Variants in GMDS observed in about 807,000 individuals in gnomAD.
The protein encoded by GMDS is GDP-mannose 4,6-dehydratase.
In GMDS, 20 loss-of-function variants were observed where a neutral mutation model predicts 49.9. That is an observed-to-expected ratio of 0.40 (90% confidence interval 0.28 to 0.58). The LOEUF is 0.58. GMDS is among the 20% of genes least tolerant of loss of function. The pLI, the probability that GMDS is intolerant of heterozygous loss-of-function variation, is 0.42. For missense variants in GMDS, 362 were observed against 481.4 expected (o/e 0.75, Z 2.32); for synonymous variants, 177 against 178.6 (o/e 0.99, Z 0.07).
chr6:1,905,960 C>T (rs1760754928), intron 7 of GMDS, among the ~76,000 whole-genome samples: 2 of 152,060 alleles, frequency 1.3e-5, no homozygotes, highest in African/African-American at 4.8e-5. Flanking sequence ...TGAGTCCAAG[C>T]CATCTGACAT....
intron 4 of GMDS, among the ~76,000 whole-genome samples, chr6:1,967,306 C>T (rs1335734795): frequency 2.6e-5 from 4 of 152,190 alleles, no homozygotes; most frequent in Non-Finnish European, 5.9e-5. Context: ...TCCGCAGTGT[C>T]TCCCATGCCG....
chr6:2,151,355 C>T (rs1436382723), intron 1 of GMDS, among the ~76,000 whole-genome samples: 1 of 151,926 alleles, frequency 6.6e-6, no homozygotes, highest in African/African-American at 2.4e-5. Flanking sequence ...ATTTTATTTT[C>T]ATTGAAGATC....
chr6:1,866,098 G>T (rs997656156), intron 7 of GMDS, among the ~76,000 whole-genome samples: 7 of 152,308 alleles, frequency 4.6e-5, no homozygotes, highest in African/African-American at 7.2e-5. Flanking sequence ...TCCACCTCAA[G>T]CACAGGGAGG....
chr6:1,952,852 C>T (rs1028265888), intron 6 of GMDS, among the ~76,000 whole-genome samples: 11 of 152,120 alleles, frequency 7.2e-5, no homozygotes, highest in East Asian at 1.9e-4. Flanking sequence ...GGAAGAAATA[C>T]GCTGTCAACA....
At chr6:2,054,066 A>G (rs1242217383) in intron 4 of GMDS, among the ~76,000 whole-genome samples, 1 of 152,160 alleles carries the variant, frequency 6.6e-6, no homozygotes, top group East Asian at 1.9e-4. Context: ...TAAAGTTACA[A>G]AAGAATACAT....
intron 1 of GMDS, among the ~76,000 whole-genome samples, chr6:2,143,320 T>C (rs1776396637): frequency 6.6e-6 from 1 of 152,146 alleles, no homozygotes; most frequent in South Asian, 2.1e-4. Context: ...TGAGGGGCAC[T>C]ACTGACCCTT....
chr6:1,790,011 A>T (rs1255694116), intron 7 of GMDS, among the ~76,000 whole-genome samples: 1 of 152,194 alleles, frequency 6.6e-6, no homozygotes, highest in Non-Finnish European at 1.5e-5. Flanking sequence ...GTATTCATAA[A>T]GATACATTTT....
intron 7 of GMDS, among the ~76,000 whole-genome samples, chr6:1,899,801 A>C (rs9405523): frequency 6.8e-6 from 1 of 146,288 alleles, no homozygotes; most frequent in Non-Finnish European, 1.5e-5. Context: ...GGAGACCTGC[A>C]ACAGGGCACC....
At chr6:1,895,775 T>C (rs146550265) in intron 7 of GMDS, among the ~76,000 whole-genome samples, 45 of 152,316 alleles carry the variant, frequency 3.0e-4, no homozygotes, top group Admixed American at 9.8e-4. Context: ...GTTCTCAGTT[T>C]ACTCACCACT....
At chr6:1,923,602 A>G (rs1405252034) in intron 7 of GMDS, among the ~76,000 whole-genome samples, 1 of 152,186 alleles carries the variant, frequency 6.6e-6, no homozygotes, top group Non-Finnish European at 1.5e-5. Flanking sequence ...CTGCCAGCGC[A>G]CAGAGCAGCA....
Position 1,836,025 on chromosome 6 carries a change from G to A in GMDS, c.772-93439C>T, listed in dbSNP as rs576242462. ...TGTGACTACAGGTGCCCACCACCAC[G>A]CCTGGCTAATTTTTTGGATTTTTAG... On this transcript the variant is annotated intron_variant, in intron 7 of 10. Coordinates refer to ENST00000380815, the MANE Select transcript of GMDS (RefSeq NM_001500.4). The surrounding 1 kb of genome is among the most constrained non-coding windows in gnomAD (Gnocchi z 4.2). 1.1e-3 allele frequency among the ~76,000 whole-genome samples: 166 copies of A among 152,096 alleles called. No individual in the cohort carries two copies. Among genetic ancestry groups the A allele is most frequent in the African/African-American group, 3.5e-3 (146 of 41,510 alleles).
chr6:1,960,764 A>G lies in GMDS; in HGVS notation c.538+10T>C, dbSNP rs762366976. 17 of 1,553,826 alleles carry G rather than the reference A, an allele frequency of 1.1e-5. No homozygotes were observed. The East Asian group carries it at 3.4e-4, about 31-fold the overall frequency. ...CACACATGTGCTCCGGTGTGCACGC[A>G]TGTTCTCACCATAGGGTGACCGGGG... On this transcript the variant is annotated intron_variant, in intron 5 of 10. Coordinates refer to ENST00000380815, the MANE Select transcript of GMDS (RefSeq NM_001500.4).
Position 1,806,439 on chromosome 6 carries a change from AACAC to A in GMDS, c.772-63857_772-63854del, listed in dbSNP as rs34940754. On this transcript the variant is annotated intron_variant, in intron 7 of 10. Coordinates refer to ENST00000380815, the MANE Select transcript of GMDS (RefSeq NM_001500.4). ...TCAAAAGAGACCTCGAGCACATGGG[AACAC>A]ACACACACACACACACACACACACA... Among the ~76,000 whole-genome samples, 112 of 146,196 alleles carry A rather than the reference AACAC, an allele frequency of 7.7e-4. 1 individual carries two copies. The highest frequency in any genetic ancestry group is 1.4e-3 in the African/African-American group (57 of 39,644).
In GMDS at chr6:1,635,587, G is replaced by A. The variant is rs1378488406; in HGVS notation, c.988-11047C>T. Among the ~76,000 whole-genome samples, 1 of 152,186 alleles carries A rather than the reference G, an allele frequency of 6.6e-6. No individual in the cohort carries two copies. The highest frequency in any genetic ancestry group is 1.5e-5 in the Non-Finnish European group (1 of 68,046). On this transcript the variant is annotated intron_variant, in intron 9 of 10. Coordinates refer to ENST00000380815, the MANE Select transcript of GMDS (RefSeq NM_001500.4). This position sits in a 1 kb window ranked among gnomAD's most constrained non-coding sequence, Gnocchi z 4.7. ...GACTCCGAGGGCGACACTGTGCGGCGACCCTTGGCAGGTGCTTTGTTTGCC... is the reference window on the plus strand; with the variant it reads ...GACTCCGAGGGCGACACTGTGCGGCAACCCTTGGCAGGTGCTTTGTTTGCC...
chr6:2,071,877 A>C (rs522175), intron 4 of GMDS, among the ~76,000 whole-genome samples: 94,126 of 152,014 alleles, frequency 0.62, 29,475 homozygotes, highest in African/African-American at 0.71. Flanking sequence ...TGATCTTGGG[A>C]AGTTCACAGC....
chr6:1,698,188 G>C (rs941362018), intron 9 of GMDS, among the ~76,000 whole-genome samples: 1 of 152,214 alleles, frequency 6.6e-6, no homozygotes, highest in African/African-American at 2.4e-5. Context: ...TAAAGCCCTG[G>C]CAAGCACAGT....
At chr6:1,930,895 T>C (rs1762256928) in intron 6 of GMDS, 3 of 152,346 alleles carry the variant, frequency 2.0e-5, no homozygotes, top group South Asian at 4.1e-4. Context: ...TCCAAATTCA[T>C]TTCAGTGTTA....
intron 4 of GMDS, among the ~76,000 whole-genome samples, chr6:2,096,088 CAGAA>C (rs1353702676): frequency 1.3e-5 from 2 of 152,164 alleles, no homozygotes; most frequent in Middle Eastern, 3.2e-3. Flanking sequence ...AGGCATTTGA[CAGAA>C]AGAAACGCCA....
At chr6:1,944,209 C>G (rs1762950922) in intron 6 of GMDS, among the ~76,000 whole-genome samples, 1 of 152,138 alleles carries the variant, frequency 6.6e-6, no homozygotes, top group Admixed American at 6.5e-5. Flanking sequence ...GAGCCACTTC[C>G]TAAAATTTCA....
Sources: allele counts gnomAD v4.1 joint callset (sites outside exome capture counted in the v4.1 genomes callset), GRCh38; gene constraint gnomAD v4.1.1; non-coding constraint Gnocchi (gnomAD v3.1); transcripts MANE v1.5; gene names NCBI Gene and HGNC (gene_info 2026-07-23, HGNC 2026-07-21).